GPRC6A: variants seen among roughly 807,000 people sequenced by gnomAD.
GPRC6A encodes the protein G protein-coupled receptor family C group 6 member A.
In GPRC6A, 54 loss-of-function variants were observed where a neutral mutation model predicts 47.0. The ratio of observed to expected loss-of-function variants is 1.15; its 90% confidence interval spans 0.92 to 1.44. The LOEUF (loss-of-function observed/expected upper bound fraction) is 1.44. Among genes scored for constraint, GPRC6A ranks in the 40% most tolerant of loss-of-function variants. The pLI is 0.00. For missense variants in GPRC6A, 1,112 were observed against 1,105.5 expected, an observed-to-expected ratio of 1.01 and a Z score of -0.08; for synonymous variants, 347 against 377.1, an observed-to-expected ratio of 0.92 and a Z score of 0.93.
intron 5 of GPRC6A, among the ~76,000 whole-genome samples, chr6:116,795,495 T>C (rs1215621432): frequency 2.0e-5 from 3 of 152,188 alleles, no homozygotes; most frequent in Non-Finnish European, 4.4e-5. Flanking sequence ...GGAAGTAAAG[T>C]AACTTTTACA....
At chr6:116,797,808 G>A (rs1230087278) in intron 4 of GPRC6A, among the ~76,000 whole-genome samples, 1 of 152,192 alleles carries the variant, frequency 6.6e-6, no homozygotes, top group African/African-American at 2.4e-5. Flanking sequence ...GCAGAGTGCT[G>A]GGTTCGTAAT....
chr6:116,823,762 A>G (rs7756165), intron 1 of GPRC6A, among the ~76,000 whole-genome samples: 112,216 of 152,002 alleles, frequency 0.74, 41,650 homozygotes, highest in Middle Eastern at 0.84. Context: ...GCATGATGCT[A>G]ACATCTGCTT....
chr6:116,814,563 T>C (rs1035280634), intron 1 of GPRC6A, among the ~76,000 whole-genome samples: 12 of 152,064 alleles, frequency 7.9e-5, no homozygotes, highest in African/African-American at 2.9e-4. Context: ...TGAGATCACT[T>C]GGACACAGGG....
At chr6:116,799,981 T>G (rs2114584745) in intron 4 of GPRC6A, among the ~76,000 whole-genome samples, 1 of 152,278 alleles carries the variant, frequency 6.6e-6, no homozygotes, top group East Asian at 1.9e-4. Flanking sequence ...GTTTCAGTTT[T>G]GTTAGAACAG....
chr6:116,815,234 G>A (rs1773168186), intron 1 of GPRC6A, among the ~76,000 whole-genome samples: 1 of 152,150 alleles, frequency 6.6e-6, no homozygotes, highest in African/African-American at 2.4e-5. Flanking sequence ...TGTAATCCCA[G>A]CACTTTGGGA....
chr6:116,822,697 T>C (rs1025963860), intron 1 of GPRC6A, among the ~76,000 whole-genome samples: 1 of 126,910 alleles, frequency 7.9e-6, no homozygotes, highest in African/African-American at 3.0e-5. Context: ...AATATCACAC[T>C]CTGGGAACTG....
intron 4 of GPRC6A, among the ~76,000 whole-genome samples, chr6:116,798,398 T>C (rs939064495): frequency 2.6e-5 from 4 of 152,036 alleles, no homozygotes; most frequent in Non-Finnish European, 4.4e-5. Flanking sequence ...CATGGAAGAC[T>C]GAAAAGCCTG....
intron 1 of GPRC6A, among the ~76,000 whole-genome samples, chr6:116,816,987 C>A (rs1232292026): frequency 2.0e-5 from 3 of 152,192 alleles, no homozygotes; most frequent in Non-Finnish European, 2.9e-5. Flanking sequence ...CCCAGGCTCG[C>A]TTAGGTAAAC....
intron 1 of GPRC6A, among the ~76,000 whole-genome samples, chr6:116,815,262 C>A: frequency 6.6e-6 from 1 of 152,130 alleles, no homozygotes; most frequent in South Asian, 2.1e-4. Flanking sequence ...GCAGGTGGAT[C>A]ACTTGAGGTC....
intron 1 of GPRC6A, among the ~76,000 whole-genome samples, chr6:116,811,457 T>C (rs2221882): frequency 0.12 from 17,482 of 151,556 alleles, 1,292 homozygotes; most frequent in African/African-American, 0.21. Context: ...AGAAAAAAAA[T>C]GTAAATAAAT....
At chr6:116,807,814 G>A (rs1012204913) in intron 2 of GPRC6A, among the ~76,000 whole-genome samples, 5 of 152,006 alleles carry the variant, frequency 3.3e-5, no homozygotes, top group Admixed American at 6.6e-5. Context: ...CATTTGGTCC[G>A]CAGGCTGTGA....
At chr6:116,797,510 ATTG>A (rs766388155) in intron 4 of GPRC6A, among the ~76,000 whole-genome samples, 2 of 152,146 alleles carry the variant, frequency 1.3e-5, no homozygotes, top group Non-Finnish European at 2.9e-5. Context: ...GATTTCAGAT[ATTG>A]TTGGTTTTTA....
chr6:116,817,072 C>T (rs1331987163), intron 1 of GPRC6A, among the ~76,000 whole-genome samples: 2 of 151,888 alleles, frequency 1.3e-5, no homozygotes, highest in African/African-American at 4.8e-5. Context: ...GTAGGCTCCA[C>T]CTCTGGGGGC....
At chr6:116,820,429 C>T (rs1276086725) in intron 1 of GPRC6A, among the ~76,000 whole-genome samples, 2 of 151,974 alleles carry the variant, frequency 1.3e-5, no homozygotes, top group East Asian at 3.9e-4. Flanking sequence ...AGACCAATAT[C>T]CTTGATGAAC....
At chr6:116,816,265 T>A (rs1001194695) in intron 1 of GPRC6A, among the ~76,000 whole-genome samples, 1 of 152,222 alleles carries the variant, frequency 6.6e-6, no homozygotes, top group Non-Finnish European at 1.5e-5. Context: ...ATAAGTTAAT[T>A]ACTTCTAAGA....
At chr6:116,823,098 T>C in intron 1 of GPRC6A, among the ~76,000 whole-genome samples, 1 of 152,064 alleles carries the variant, frequency 6.6e-6, no homozygotes, top group East Asian at 1.9e-4. Flanking sequence ...TTTGTTTGTT[T>C]GTTTGTTTTT....
intron 3 of GPRC6A, 44 bp from the exon 4 acceptor site, chr6:116,800,840 G>T: frequency 1.7e-6 from 2 of 1,176,884 alleles, no homozygotes; most frequent in Non-Finnish European, 1.3e-6. Flanking sequence ...TATAAATGTT[G>T]CAAATGTATC....
intron 1 of GPRC6A, among the ~76,000 whole-genome samples, chr6:116,827,015 G>A (rs1773700238): frequency 6.6e-6 from 1 of 151,870 alleles, no homozygotes; most frequent in African/African-American, 2.4e-5. Context: ...CATAAAGGTA[G>A]AGAGCTGACA....
chr6:116,801,432 G>A (rs959714999), intron 3 of GPRC6A, among the ~76,000 whole-genome samples: 2 of 152,092 alleles, frequency 1.3e-5, no homozygotes, highest in Non-Finnish European at 2.9e-5. Context: ...CTGGAATGTA[G>A]GGAAACAGGC....
Sources: allele counts gnomAD v4.1 joint callset (sites outside exome capture counted in the v4.1 genomes callset), GRCh38; gene constraint gnomAD v4.1.1; transcripts MANE v1.5; gene names NCBI Gene and HGNC (gene_info 2026-07-23, HGNC 2026-07-21).